Variants in DNAJC16 observed in about 807,000 individuals in gnomAD.
The protein encoded by DNAJC16 is dnaJ homolog subfamily C member 16.
A neutral mutation model predicts 92.7 loss-of-function variants in DNAJC16; 76 were observed. The observed-to-expected ratio is 0.82, with a 90% CI of 0.68 to 0.99. The LOEUF (loss-of-function observed/expected upper bound fraction) is 0.99, where lower values mean the gene tolerates loss of function less well. DNAJC16 is among the 50% of genes least tolerant of loss of function. The pLI is 0.00. For missense variants in DNAJC16, 869 were observed against 942.4 expected (o/e 0.92, Z 1.02); for synonymous variants, 328 against 358.7 (o/e 0.91, Z 0.97).
At chr1:15,546,034 G>C (rs1333408528) in intron 5 of DNAJC16, among the ~76,000 whole-genome samples, 2 of 152,190 alleles carry the variant, frequency 1.3e-5, no homozygotes, top group Non-Finnish European at 2.9e-5. Flanking sequence ...GCCTGGAGTG[G>C]TGGCTCATAC....
At chr1:15,539,677 T>A (rs1307975304) in intron 4 of DNAJC16, among the ~76,000 whole-genome samples, 2 of 151,828 alleles carry the variant, frequency 1.3e-5, no homozygotes, top group Non-Finnish European at 2.9e-5. Context: ...CCCAAGTAGC[T>A]GAGATTAGAG....
At position 15,534,202 on chromosome 1, in the gene DNAJC16, C is replaced by T. The variant is rs370575231; in HGVS notation, c.168-35C>T. The T allele has an allele frequency of 3.1e-6, 5 of 1,611,814 alleles. No homozygotes were observed. In the Admixed American group the frequency reaches 6.7e-5, roughly 22 times the overall value. Reference sequence around the variant, plus strand: ...TTAAATGACTGTGCATTAAAAGTTACATCCTTTCTCACCGCCTGCCTGTTT... The same window carrying T: ...TTAAATGACTGTGCATTAAAAGTTATATCCTTTCTCACCGCCTGCCTGTTT... On this transcript the variant is annotated intron_variant, in intron 2 of 14. Transcript: ENST00000375847.
chr1:15,555,427 G>A (rs1379998714), intron 7 of DNAJC16, among the ~76,000 whole-genome samples: 18 of 151,274 alleles, frequency 1.2e-4, no homozygotes, highest in African/African-American at 3.9e-4. Context: ...GCTCACGCCT[G>A]TAATCCCAGC....
rs1372885953 is a variant in DNAJC16 at position 15,568,193 on chromosome 1, A to G, written c.*16A>G. ...ACTAGACTGAGAGGATTTTCCAAAG[A>G]GATTTGAACTCTTCAGACTTTTTAA... On this transcript the variant is annotated 3_prime_UTR_variant, in exon 15 of 15. Transcript: ENST00000375847. 1.9e-6 allele frequency: 3 copies of G among 1,585,966 alleles called. No homozygotes were observed. Among genetic ancestry groups the G allele is most frequent in the Non-Finnish European group, 1.7e-6 (2 of 1,165,954 alleles).
At chr1:15,534,489 C>T (rs112739695) in intron 3 of DNAJC16, among the ~76,000 whole-genome samples, 186 bp downstream of exon 3, 4 of 151,914 alleles carry the variant, frequency 2.6e-5, no homozygotes, top group South Asian at 2.1e-4. Context: ...TTTGGGAGGC[C>T]GAGGTGGGTG....
intron 7 of DNAJC16, among the ~76,000 whole-genome samples, chr1:15,550,864 G>C (rs1638427652): frequency 6.6e-6 from 1 of 152,062 alleles, no homozygotes. Context: ...TTCACTTCAT[G>C]TATTTTGTTT....
chr1:15,532,217 T>A (rs921775465), intron 2 of DNAJC16, among the ~76,000 whole-genome samples: 13 of 152,218 alleles, frequency 8.5e-5, no homozygotes, highest in Non-Finnish European at 1.9e-4. Context: ...TTTGCTGTAT[T>A]ACCTTCTCTA....
intron 7 of DNAJC16, among the ~76,000 whole-genome samples, chr1:15,556,303 C>A (rs147073484): frequency 6.6e-6 from 1 of 151,974 alleles, no homozygotes. Context: ...GGCCTGATCT[C>A]GGCTCACTGC....
chr1:15,568,090 G>T lies in DNAJC16; in HGVS notation c.2262G>T (p.Lys754Asn), dbSNP rs1638861268. The T allele has an allele frequency of 6.2e-7, 1 of 1,614,098 alleles. No homozygotes were observed. The highest frequency in any genetic ancestry group is 8.5e-7 in the Non-Finnish European group (1 of 1,180,052). ...TTGGATCCAGGCCCATCAAAGGAAA[G>T]TTGAGCAAGCTCTCTTTATGGATGG... ...CGLGSRPIKG[K>N]LSKLSLWMER... Residue 754 changes from lysine to asparagine, a missense_variant, in exon 15 of 15, where the codon AAG (lysine) becomes AAT (asparagine). Lys to Asn is a moderately conservative substitution (Grantham distance 94). Transcript: ENST00000375847.
chr1:15,536,050 T>A (rs189166328), intron 3 of DNAJC16, among the ~76,000 whole-genome samples: 1 of 127,432 alleles, frequency 7.8e-6, no homozygotes, highest in East Asian at 2.5e-4. Context: ...ATTTTTACAT[T>A]TCTTTTCTTT....
chr1:15,557,663 A>G (rs1021514814), intron 7 of DNAJC16, among the ~76,000 whole-genome samples: 1 of 151,814 alleles, frequency 6.6e-6, no homozygotes, highest in African/African-American at 2.4e-5. Flanking sequence ...CAGAGTTCTT[A>G]TAAATAGTAT....
intron 4 of DNAJC16, 40 bp downstream of exon 4, chr1:15,536,854 G>A: frequency 3.3e-6 from 5 of 1,523,686 alleles, no homozygotes; most frequent in Non-Finnish European, 4.4e-6. Flanking sequence ...TTATATAGAT[G>A]ACTTTTTTTT....
intron 1 of DNAJC16, 123 bp from the exon 2 acceptor site, chr1:15,528,965 C>T (rs1710587850): frequency 1.3e-6 from 1 of 795,030 alleles, no homozygotes. Context: ...CAGCTTGACA[C>T]TTTTCCTGCA....
At chr1:15,551,069 C>G (rs957786366) in intron 7 of DNAJC16, among the ~76,000 whole-genome samples, 2 of 152,188 alleles carry the variant, frequency 1.3e-5, no homozygotes, top group African/African-American at 4.8e-5. Flanking sequence ...GGGGTTTCAC[C>G]ATGTTGGCCA....
At chr1:15,560,631 T>A (rs1163521854) in intron 8 of DNAJC16, among the ~76,000 whole-genome samples, 1 of 152,026 alleles carries the variant, frequency 6.6e-6, no homozygotes, top group Non-Finnish European at 1.5e-5. Flanking sequence ...AAACATAATT[T>A]CCCTGTGTGT....
chr1:15,543,352 G>A (rs1256985255), intron 4 of DNAJC16, among the ~76,000 whole-genome samples: 1 of 152,258 alleles, frequency 6.6e-6, no homozygotes, highest in African/African-American at 2.4e-5. Context: ...AAGTCACGGA[G>A]ATGCACACTT....
At position 15,534,916 on chromosome 1, in the gene DNAJC16, ATATT is replaced by A. The variant is rs1710745198; in HGVS notation, c.234+618_234+621del. ...TAAAGAATCACATACCAAATCGCCT[ATATT>A]TATTAAAGTGGCACGAGGTAACAAA... On this transcript the variant is annotated intron_variant, in intron 3 of 14. Transcript: ENST00000375847. Among the ~76,000 whole-genome samples, 3 of 152,322 alleles carry A rather than the reference ATATT, an allele frequency of 2.0e-5. No homozygotes were observed. In the South Asian group the frequency reaches 6.2e-4, roughly 32 times the overall value.
intron 7 of DNAJC16, among the ~76,000 whole-genome samples, chr1:15,555,212 C>G (rs1638539844): frequency 6.7e-6 from 1 of 149,264 alleles, no homozygotes; most frequent in Admixed American, 6.7e-5. Flanking sequence ...CCCGTCTCTA[C>G]TAAAATACAA....
intron 9 of DNAJC16, among the ~76,000 whole-genome samples, chr1:15,562,704 TC>T (rs1638717706): frequency 1.3e-5 from 2 of 151,730 alleles, no homozygotes; most frequent in South Asian, 4.2e-4. Flanking sequence ...CCCAGGTTGG[TC>T]TCAAACTCCC....
Sources: gnomAD v4.1 joint callset for allele counts (sites outside exome capture counted in the v4.1 genomes callset) on GRCh38, gnomAD v4.1.1 for gene constraint, MANE v1.5 for transcripts, NCBI Gene and HGNC (gene_info 2026-07-23, HGNC 2026-07-21) for gene names.